ACTN1: variants seen among roughly 807,000 people sequenced by gnomAD.
ACTN1 encodes actinin alpha 1.
Under a neutral mutation model 119.6 loss-of-function variants are expected in ACTN1, and 30 were observed. The observed-to-expected ratio is 0.25, with a 90% CI of 0.19 to 0.34. The LOEUF is 0.34. Ranked by LOEUF, ACTN1 falls within the 10% of genes least tolerant of loss-of-function variation. ACTN1 has a pLI of 1.00. For missense variants in ACTN1, 764 were observed against 1,223.4 expected (o/e 0.62, Z 5.60); for synonymous variants, 429 against 472.6 (o/e 0.91, Z 1.20).
chr14:68,952,370 G>C (rs555349178), intron 1 of ACTN1, among the ~76,000 whole-genome samples: 1 of 152,362 alleles, frequency 6.6e-6, no homozygotes, highest in Admixed American at 6.5e-5. Flanking sequence ...CAACGGCAGG[G>C]AGTTCTGGGG....
At chr14:68,961,743 G>A (rs2036549085) in intron 1 of ACTN1, among the ~76,000 whole-genome samples, 1 of 152,206 alleles carries the variant, frequency 6.6e-6, no homozygotes, top group Non-Finnish European at 1.5e-5. Context: ...GGCATCTGGG[G>A]AGGGGCACAG....
chr14:68,961,836 A>G (rs1264072239), intron 1 of ACTN1, among the ~76,000 whole-genome samples: 1 of 152,162 alleles, frequency 6.6e-6, no homozygotes, highest in Non-Finnish European at 1.5e-5. Context: ...TCATCCCTCC[A>G]GCACCAGATC....
chr14:68,911,878 G>T (rs1486541325), intron 4 of ACTN1, among the ~76,000 whole-genome samples: 1 of 152,220 alleles, frequency 6.6e-6, no homozygotes, highest in Non-Finnish European at 1.5e-5. Flanking sequence ...CAACCCAAGA[G>T]CCAGGTGGGT....
rs558609524 is a variant in ACTN1 at position 68,878,867 on chromosome 14, G to A, written c.2361+122C>T. The A allele has an allele frequency of 3.1e-5, 50 of 1,596,680 alleles. No individual in the cohort carries two copies. The highest frequency in any genetic ancestry group is 1.0e-4 in the South Asian group (9 of 90,338). On this transcript the variant is annotated intron_variant, in intron 19 of 21. Transcript: ENST00000394419. The surrounding 1 kb of genome is among the most constrained non-coding windows in gnomAD (Gnocchi z 4.4). Reference sequence around the variant, plus strand: ...GCAGACAGAGACAGCAGGAGAGGACGAGCCCCATGGCCCACAGGAGGGGGA... The same window carrying A: ...GCAGACAGAGACAGCAGGAGAGGACAAGCCCCATGGCCCACAGGAGGGGGA...
chr14:68,895,719 T>C (rs1432538267), intron 8 of ACTN1, among the ~76,000 whole-genome samples: 1 of 152,188 alleles, frequency 6.6e-6, no homozygotes, highest in Non-Finnish European at 1.5e-5. Context: ...ACCTTGTTAC[T>C]CTCCTGATCC....
chr14:68,895,199 G>A (rs1410560252), intron 8 of ACTN1, among the ~76,000 whole-genome samples: 1 of 152,028 alleles, frequency 6.6e-6, no homozygotes, highest in East Asian at 1.9e-4. Context: ...CCCTGAGGTG[G>A]GGACTTTGAG....
At chr14:68,965,735 C>T (rs530453826) in intron 1 of ACTN1, among the ~76,000 whole-genome samples, 1 of 152,328 alleles carries the variant, frequency 6.6e-6, no homozygotes, top group East Asian at 1.9e-4. Flanking sequence ...CACACAAGAG[C>T]ACTGGCTTCT....
rs929874421 is a variant in ACTN1 at position 68,878,556 on chromosome 14, G to A, written c.2362-33C>T. ...GGGCAGTGGTACCAAGACACAAGGA[G>A]GGTCGGGAAGGCAGGAAGAGGAAGG... On this transcript the variant is annotated intron_variant, in intron 19 of 21. Transcript: ENST00000394419. This position sits in a 1 kb window ranked among gnomAD's most constrained non-coding sequence, Gnocchi z 4.4. 3.1e-6 allele frequency: 5 copies of A among 1,612,500 alleles called. No homozygotes were observed. Among genetic ancestry groups the A allele is most frequent in the African/African-American group, 1.3e-5 (1 of 74,916 alleles).
intron 1 of ACTN1, among the ~76,000 whole-genome samples, chr14:68,952,364 G>A (rs757835242): frequency 4.6e-5 from 7 of 152,224 alleles, no homozygotes; most frequent in African/African-American, 1.7e-4. Context: ...GGCGGCCAAC[G>A]GCAGGGAGTT....
intron 1 of ACTN1, among the ~76,000 whole-genome samples, chr14:68,971,128 C>G (rs747255850): frequency 6.6e-6 from 1 of 152,134 alleles, no homozygotes; most frequent in South Asian, 2.1e-4. Flanking sequence ...GGTTAAAAGC[C>G]GAGTTCTGAG....
chr14:68,884,861 G>A lies in ACTN1; in HGVS notation c.1408C>T (p.Pro470Ser), dbSNP rs761197146. The change falls in exon 13 of 22, where the codon CCC (proline) becomes TCC (serine). Residue 470 changes from proline to serine, a missense_variant. Pro to Ser is a moderately conservative substitution (Grantham distance 74). This residue lies in a region of ACTN1 where 544 missense variants were observed against 912.0 expected (regional missense o/e 0.60). Coordinates refer to ENST00000394419, the MANE Select transcript of ACTN1 (RefSeq NM_001130004.2). ...TTTTGGCAACGGGCGTTGACACTGG[G>A]TGAGTCATAATAGTCCAGCTCACTG... Reference protein sequence around the residue: ...ELNELDYYDSPSVNARCQKIC... With the variant: ...ELNELDYYDSSSVNARCQKIC... The A allele has an allele frequency of 3.7e-6, 6 of 1,614,094 alleles. No homozygotes were observed. Among genetic ancestry groups the A allele is most frequent in the South Asian group, 1.1e-5 (1 of 91,084 alleles).
chr14:68,918,732 A>G (rs941653680), intron 3 of ACTN1, among the ~76,000 whole-genome samples: 2 of 61,816 alleles, frequency 3.2e-5, no homozygotes, highest in African/African-American at 9.2e-5. Context: ...CATCTCTACT[A>G]AAAAAAAAAA....
intron 11 of ACTN1, chr14:68,887,363 T>C: frequency 2.5e-6 from 1 of 394,820 alleles, no homozygotes; most frequent in Non-Finnish European, 4.3e-6. Flanking sequence ...GTGGTTTTCT[T>C]TAGGAAACAA....
intron 1 of ACTN1, among the ~76,000 whole-genome samples, chr14:68,943,522 C>T (rs1162686637): frequency 6.6e-6 from 1 of 152,124 alleles, no homozygotes; most frequent in Non-Finnish European, 1.5e-5. Flanking sequence ...GCTTTCGGCT[C>T]CCCAGCCCCC....
Position 68,885,032 on chromosome 14 carries a change from C to T in ACTN1, c.1386-149G>A. ...AGAGACCTTCCAGGCACTCCTTCCACCCCTCCCCTCTTTCAGGAGACTGGC... is the reference window on the plus strand; with the variant it reads ...AGAGACCTTCCAGGCACTCCTTCCATCCCTCCCCTCTTTCAGGAGACTGGC... On this transcript the variant is annotated intron_variant, in intron 12 of 21. Transcript: ENST00000394419. The surrounding 1 kb of genome is among the most constrained non-coding windows in gnomAD (Gnocchi z 5.6). The T allele has an allele frequency of 1.5e-6, 1 of 654,268 alleles. No individual in the cohort carries two copies. Among genetic ancestry groups the T allele is most frequent in the Non-Finnish European group, 2.7e-6 (1 of 376,424 alleles). 40.5% of individuals were successfully genotyped at this position (654,268 alleles called of 1,614,324 possible).
At chr14:68,973,021 C>T (rs2140691531) in intron 1 of ACTN1, among the ~76,000 whole-genome samples, 1 of 152,350 alleles carries the variant, frequency 6.6e-6, no homozygotes, top group East Asian at 1.9e-4. Context: ...TTGCCACACA[C>T]AGCTTTGGGG....
chr14:68,911,683 A>T (rs1032698301), intron 4 of ACTN1, among the ~76,000 whole-genome samples: 11 of 152,280 alleles, frequency 7.2e-5, no homozygotes, highest in African/African-American at 2.7e-4. Flanking sequence ...GGCATAGCAG[A>T]CATAAAGCTC....
chr14:68,899,435 CCCAGA>C lies in ACTN1; in HGVS notation c.762+3037_762+3041del, dbSNP rs200413388. 6.7e-3 allele frequency among the ~76,000 whole-genome samples: 991 copies of C among 148,054 alleles called. 14 individuals carry two copies. Among genetic ancestry groups the C allele is most frequent in the African/African-American group, 0.024 (941 of 39,424 alleles). ...CTTCCACACCACATTCCCCACACCC[CCCAGA>C]CACACACCTTACACACCACACTCCA... On this transcript the variant is annotated intron_variant, in intron 8 of 21. Transcript: ENST00000394419.
intron 8 of ACTN1, among the ~76,000 whole-genome samples, chr14:68,900,547 AAGAGCTGTGCTGCCT>A (rs916790027): frequency 1.3e-5 from 2 of 152,016 alleles, no homozygotes; most frequent in Non-Finnish European, 2.9e-5. Context: ...AAGCACTGCC[AAGAGCTGTGCTGCCT>A]GGGATAAGGG....
Sources: gnomAD v4.1 joint callset for allele counts (sites outside exome capture counted in the v4.1 genomes callset) on GRCh38, gnomAD v4.1.1 for gene constraint, gnomAD v4.1.1 regional missense constraint, Gnocchi (gnomAD v3.1) non-coding constraint, MANE v1.5 for transcripts, NCBI Gene and HGNC (gene_info 2026-07-23, HGNC 2026-07-21) for gene names.